SYMPK: variants seen among roughly 807,000 people sequenced by gnomAD.
SYMPK encodes the protein symplekin scaffold protein, also known as symplekin.
Under a neutral mutation model 136.4 loss-of-function variants are expected in SYMPK, and 49 were observed. The observed-to-expected ratio is 0.36, with a 90% CI of 0.29 to 0.46. SYMPK has a LOEUF of 0.46. Ranked by LOEUF, SYMPK falls within the 20% of genes least tolerant of loss-of-function variation. The pLI, the probability that SYMPK is intolerant of heterozygous loss-of-function variation, is 1.00. For synonymous variants in SYMPK, 766 were observed against 713.0 expected (o/e 1.07, Z -1.19); for missense variants, 1,365 against 1,690.0 (o/e 0.81, Z 3.37).
chr19:45,835,597 G>A (rs1267285424), intron 10 of SYMPK, among the ~76,000 whole-genome samples: 1 of 152,124 alleles, frequency 6.6e-6, no homozygotes, highest in Non-Finnish European at 1.5e-5. Flanking sequence ...CTAAGAAGCA[G>A]CAGAGCTGGC....
chr19:45,828,497 G>C (rs1056659427), intron 14 of SYMPK: 1 of 178,482 alleles, frequency 5.6e-6, no homozygotes, highest in African/African-American at 2.4e-5. Context: ...GGAGAACCAT[G>C]GAAGGTTCCT....
chr19:45,854,731 A>G (rs1971780486), intron 1 of SYMPK: 2 of 535,054 alleles, frequency 3.7e-6, no homozygotes, highest in Admixed American at 6.3e-5. Flanking sequence ...CCCAAGGCAG[A>G]GCCAGAAGTC....
chr19:45,833,709 T>C (rs1486640063), intron 11 of SYMPK, among the ~76,000 whole-genome samples: 2 of 152,242 alleles, frequency 1.3e-5, no homozygotes, highest in Non-Finnish European at 2.9e-5. Context: ...GAGGCATCTC[T>C]GGAAGAACAA....
At chr19:45,828,893 T>C in intron 14 of SYMPK, 77 bp downstream of exon 14, 1 of 1,421,808 alleles carries the variant, frequency 7.0e-7, no homozygotes. Context: ...AGGGAGGTGG[T>C]CGCAATCAGA....
In SYMPK at chr19:45,815,925, T is replaced by A; in HGVS notation, c.3613A>T (p.Ile1205Phe). The change falls in exon 26 of 27, where the codon ATC becomes TTC. Residue 1205 changes from isoleucine to phenylalanine, a missense_variant. Ile to Phe is a conservative substitution (Grantham distance 21, BLOSUM62 0). Coordinates refer to ENST00000245934, the MANE Select transcript of SYMPK (RefSeq NM_004819.3). Reference protein sequence around the residue: ...GPECETPGIFISMDDDSGLTE... With the variant: ...GPECETPGIFFSMDDDSGLTE... Reference sequence around the variant, plus strand: ...AGCCCCGAGTCGTCATCCATGCTGATGAAGATGCCCGGGGTCTCGCACTCA... The same window carrying A: ...AGCCCCGAGTCGTCATCCATGCTGAAGAAGATGCCCGGGGTCTCGCACTCA... 1 of 1,612,202 alleles carries A rather than the reference T, an allele frequency of 6.2e-7. No homozygotes were observed. The highest frequency in any genetic ancestry group is 1.1e-5 in the South Asian group (1 of 90,894).
chr19:45,861,689 A>G (rs1291217662), intron 1 of SYMPK, among the ~76,000 whole-genome samples: 2 of 151,532 alleles, frequency 1.3e-5, no homozygotes, highest in Admixed American at 6.6e-5. Flanking sequence ...GTGAGCCGAG[A>G]TCACGCCACT....
At chr19:45,843,774 G>A (rs991329917) in intron 8 of SYMPK, among the ~76,000 whole-genome samples, 1 of 151,674 alleles carries the variant, frequency 6.6e-6, no homozygotes, top group East Asian at 1.9e-4. Flanking sequence ...GTGAAACCCC[G>A]TCTCTACTAA....
rs1245404608 is a variant in SYMPK at position 45,821,738 on chromosome 19, G to A, written c.2792-253C>T. Reference sequence around the variant, plus strand: ...CCCACCCTGGGTAGCGTGTGGCACGGCTGGGTCTCTCTGCCCCTGGGCTGT... The same window carrying A: ...CCCACCCTGGGTAGCGTGTGGCACGACTGGGTCTCTCTGCCCCTGGGCTGT... On this transcript the variant is annotated intron_variant, in intron 21 of 26. Coordinates refer to ENST00000245934, the MANE Select transcript of SYMPK (RefSeq NM_004819.3). The surrounding 1 kb of genome is among the most constrained non-coding windows in gnomAD (Gnocchi z 4.4). Among the ~76,000 whole-genome samples the A allele has an allele frequency of 6.6e-6, 1 of 152,204 alleles. No homozygotes were observed. The highest frequency in any genetic ancestry group is 1.5e-5 in the Non-Finnish European group (1 of 68,034).
In SYMPK at chr19:45,863,103, C is replaced by T. The variant is rs753108653; in HGVS notation, c.-58G>A. ...CCCTCGCGCCCCCTCAGCAGTGCCTCTTCCTACACTCCGCCGCCGCCGCCG... is the reference window on the plus strand; with the variant it reads ...CCCTCGCGCCCCCTCAGCAGTGCCTTTTCCTACACTCCGCCGCCGCCGCCG... On this transcript the variant is annotated 5_prime_UTR_variant, in exon 1 of 27. Coordinates refer to ENST00000245934, the MANE Select transcript of SYMPK (RefSeq NM_004819.3). 1.2e-5 allele frequency: 5 copies of T among 403,882 alleles called. No individual in the cohort carries two copies. Among genetic ancestry groups the T allele is most frequent in the African/African-American group, 2.1e-5 (1 of 48,716 alleles). The allele number at this position is 403,882 out of a possible 1,614,324, so 25.0% of individuals were successfully genotyped here. A position where few individuals can be genotyped will look rare whatever the true frequency, so the allele number is the denominator to read the frequency against.
chr19:45,829,679 G>C (rs1232621965), intron 13 of SYMPK, among the ~76,000 whole-genome samples: 1 of 152,120 alleles, frequency 6.6e-6, no homozygotes, highest in Non-Finnish European at 1.5e-5. Flanking sequence ...AGGTAACAGT[G>C]CCAGCAAGTG....
intron 14 of SYMPK, 178 bp downstream of exon 14, chr19:45,828,792 A>G (rs1287406637): frequency 9.5e-6 from 6 of 632,732 alleles, no homozygotes; most frequent in Non-Finnish European, 1.7e-5. Flanking sequence ...GCCCACATGC[A>G]AAACTACAAC....
rs780050553 is a variant in SYMPK at position 45,816,782 on chromosome 19, T to TG, written c.3258+15dup. ...CTGGGTGGGGGGAAAGGGTACCTGG[T>TG]GGGGGGAAGGGGTACCTGGTGGGGG... is the stretch of plus-strand genomic sequence containing the variant. On this transcript the variant is annotated intron_variant, in intron 24 of 26. Coordinates refer to ENST00000245934, the MANE Select transcript of SYMPK (RefSeq NM_004819.3). 2.8e-5 allele frequency: 42 copies of TG among 1,511,598 alleles called. No homozygotes were observed. The highest frequency in any genetic ancestry group is 3.4e-5 in the Non-Finnish European group (38 of 1,128,390). The allele number at this position is 1,511,598 out of a possible 1,614,324, so 93.6% of individuals were successfully genotyped here.
Position 45,829,112 on chromosome 19 carries a change from G to A in SYMPK, c.1843C>T (p.Arg615Cys), listed in dbSNP as rs768312384. The change falls in exon 14 of 27, where the codon CGC (arginine) becomes TGC (cysteine). Residue 615 changes from arginine (R) to cysteine (C), a missense_variant. Transcript: ENST00000245934. ...LSFILEDVRA[R>C]LDLAFAWLYQ... is the part of the protein sequence containing the mutation. ...AGCCAGGCGAAGGCCAGGTCCAGGC[G>A]GGCCCGCACATCCTCCAGGATGAAG... 8.7e-6 allele frequency: 14 copies of A among 1,614,104 alleles called. No individual in the cohort carries two copies. The highest frequency in any genetic ancestry group is 5.0e-5 in the Admixed American group (3 of 60,016).
chr19:45,823,716 A>G, intron 19 of SYMPK, 51 bp downstream of exon 19: 1 of 1,513,038 alleles, frequency 6.6e-7, no homozygotes, highest in Non-Finnish European at 9.2e-7. Flanking sequence ...GGCCCGGGGA[A>G]GGCTAAGGAG....
chr19:45,835,350 G>T, intron 10 of SYMPK, 122 bp from the exon 11 acceptor site: 8 of 893,706 alleles, frequency 9.0e-6, no homozygotes, highest in Non-Finnish European at 1.1e-5. Flanking sequence ...TGCTCTCCTG[G>T]GGCCCAGCCT....
chr19:45,816,973 A>C lies in SYMPK; in HGVS notation c.3083T>G (p.Val1028Gly). The C allele has an allele frequency of 6.4e-7, 1 of 1,558,546 alleles. No homozygotes were observed. The highest frequency in any genetic ancestry group is 8.7e-7 in the Non-Finnish European group (1 of 1,151,376). The change falls in exon 24 of 27, where the codon GTG (valine) becomes GGG (glycine). Residue 1028 changes from valine to glycine, a missense_variant and splice_region_variant. Val to Gly is a moderately radical substitution (Grantham distance 109). Transcript: ENST00000245934. ...NILSRLIMKQ[V>G]WKYPKVWEGF... Reference sequence around the variant, plus strand: ...CTCCCACACCTTGGGGTACTTCCACACCTGAACCAGGGAGGGAGGGAGCCG... The same window carrying C: ...CTCCCACACCTTGGGGTACTTCCACCCCTGAACCAGGGAGGGAGGGAGCCG...
chr19:45,817,897 G>C (rs950540768), intron 23 of SYMPK, 62 bp downstream of exon 23: 147 of 1,469,210 alleles, frequency 1.0e-4, no homozygotes, highest in Non-Finnish European at 1.3e-4. Context: ...GGGAAGGGGA[G>C]GGCAAGCAGG....
intron 9 of SYMPK, among the ~76,000 whole-genome samples, chr19:45,841,809 G>A (rs1049736688): frequency 2.6e-4 from 40 of 152,092 alleles, no homozygotes; most frequent in Non-Finnish European, 5.3e-4. Context: ...AAGCACTTCT[G>A]GAGGAAAACA....
chr19:45,845,038 T>A (rs1408745449), intron 7 of SYMPK, among the ~76,000 whole-genome samples: 1 of 152,220 alleles, frequency 6.6e-6, no homozygotes, highest in Non-Finnish European at 1.5e-5. Flanking sequence ...CACAATCCAA[T>A]TATACTATTT....
Sources: gnomAD v4.1 joint callset for allele counts (sites outside exome capture counted in the v4.1 genomes callset) on GRCh38, gnomAD v4.1.1 for gene constraint, Gnocchi (gnomAD v3.1) non-coding constraint, MANE v1.5 for transcripts, NCBI Gene and HGNC (gene_info 2026-07-23, HGNC 2026-07-21) for gene names.